NUP155: variants seen among roughly 807,000 people sequenced by gnomAD.
NUP155 encodes nuclear pore complex protein Nup155.
A neutral mutation model predicts 180.4 loss-of-function variants in NUP155; 71 were observed. The ratio of observed to expected loss-of-function variants is 0.39; its 90% CI spans 0.33 to 0.48. The LOEUF is 0.48. NUP155 is among the 20% of genes least tolerant of loss of function. The pLI is 0.91. For synonymous variants in NUP155, 582 were observed against 559.5 expected, an observed-to-expected ratio of 1.04 and a Z score of -0.57; for missense variants, 1,553 against 1,648.9, an observed-to-expected ratio of 0.94 and a Z score of 1.01.
chr5:37,313,499 G>A (rs1020515428), intron 22 of NUP155, among the ~76,000 whole-genome samples: 1 of 150,424 alleles, frequency 6.6e-6, no homozygotes, highest in East Asian at 1.9e-4. Context: ...GTGTGTGTGT[G>A]TGTGTGAGAG....
At chr5:37,331,489 A>G (rs1010198636) in intron 14 of NUP155, among the ~76,000 whole-genome samples, 196 bp downstream of exon 14, 2 of 152,130 alleles carry the variant, frequency 1.3e-5, no homozygotes, top group Admixed American at 6.6e-5. Flanking sequence ...CAGAACAATC[A>G]TTTGAACCTG....
Position 37,351,363 on chromosome 5 carries a change from A to G in NUP155, c.557-7T>C, listed in dbSNP as rs771422168. ...TCATTAAGAACTCCAGAACCTATTT[A>G]AGAAAGAATACATAAATCAGTTTAT... On this transcript the variant is annotated splice_region_variant and splice_polypyrimidine_tract_variant and intron_variant, in intron 5 of 34. Transcript: ENST00000231498. The G allele has an allele frequency of 1.2e-6, 2 of 1,602,256 alleles. No homozygotes were observed. Among genetic ancestry groups the G allele is most frequent in the Admixed American group, 1.7e-5 (1 of 59,812 alleles).
rs1742101766 is a variant in NUP155 at position 37,288,315 on chromosome 5, G to C, written c.*3585C>G. On this transcript the variant is annotated 3_prime_UTR_variant, in exon 35 of 35. Transcript: ENST00000231498. Reference sequence around the variant, plus strand: ...CTCATGAATAGGAGGAAAAATGACAGGAATGGAGACTACCCTGAGGAATAC... The same window carrying C: ...CTCATGAATAGGAGGAAAAATGACACGAATGGAGACTACCCTGAGGAATAC... 2 of 152,150 alleles carry C rather than the reference G, an allele frequency of 1.3e-5. No individual in the cohort carries two copies. The highest frequency in any genetic ancestry group is 1.3e-4 in the Admixed American group (2 of 15,262). 9.4% of individuals were successfully genotyped at this position (152,150 alleles called of 1,614,324 possible). A position where few individuals can be genotyped will look rare whatever the true frequency, so the allele number is the denominator to read the frequency against.
chr5:37,360,785 A>AG (rs1747156541), intron 3 of NUP155, among the ~76,000 whole-genome samples: 5 of 141,312 alleles, frequency 3.5e-5, no homozygotes, highest in South Asian at 2.5e-4. Flanking sequence ...GATAAAAAAA[A>AG]AGGGGGGGGG....
intron 20 of NUP155, among the ~76,000 whole-genome samples, chr5:37,320,726 A>C (rs2150957673): frequency 6.6e-6 from 1 of 152,364 alleles, no homozygotes; most frequent in South Asian, 2.1e-4. Flanking sequence ...GTAATGGTAA[A>C]ATTCAATTAA....
rs754020341 is a variant in NUP155 at position 37,303,455 on chromosome 5, C to A, written c.3163-41G>T. On this transcript the variant is annotated intron_variant, in intron 27 of 34. Transcript: ENST00000231498. ...TTATTCAGAAAAATTTTCTAACCAC[C>A]TACAGATAATGTTCCTGATAAGGAA... 2.6e-6 allele frequency: 4 copies of A among 1,530,614 alleles called. No homozygotes were observed. The South Asian group carries it at 3.4e-5, about 13-fold the overall frequency. 94.8% of individuals were successfully genotyped at this position (1,530,614 alleles called of 1,614,324 possible). A position where few individuals can be genotyped will look rare whatever the true frequency, so the allele number is the denominator to read the frequency against.
intron 20 of NUP155, among the ~76,000 whole-genome samples, chr5:37,319,562 A>G (rs1338269099): frequency 6.6e-6 from 1 of 152,186 alleles, no homozygotes; most frequent in East Asian, 1.9e-4. Context: ...ATATATGAAT[A>G]TGTTAAACAT....
intron 12 of NUP155, among the ~76,000 whole-genome samples, chr5:37,334,587 G>A (rs1745196467): frequency 6.6e-6 from 1 of 152,004 alleles, no homozygotes. Flanking sequence ...TGCCATGTTG[G>A]CCAGGCTGGT....
intron 3 of NUP155, among the ~76,000 whole-genome samples, chr5:37,359,773 T>C (rs1747077510): frequency 6.6e-6 from 1 of 152,102 alleles, no homozygotes; most frequent in Non-Finnish European, 1.5e-5. Flanking sequence ...CAGCTATGAA[T>C]CCAAACTATC....
chr5:37,356,262 T>C (rs1334581241), intron 4 of NUP155, among the ~76,000 whole-genome samples: 1 of 151,470 alleles, frequency 6.6e-6, no homozygotes, highest in Non-Finnish European at 1.5e-5. Context: ...GATTTGGCAT[T>C]ATGAGGGTGA....
chr5:37,291,866 A>C lies in NUP155; in HGVS notation c.*34T>G, dbSNP rs956239428. Reference sequence around the variant, plus strand: ...GGACCCAGCTGAGTTTTTATTTTACAGATCATAAAACGGATGAAAGTATAT... The same window carrying C: ...GGACCCAGCTGAGTTTTTATTTTACCGATCATAAAACGGATGAAAGTATAT... On this transcript the variant is annotated 3_prime_UTR_variant, in exon 35 of 35. Transcript: ENST00000231498. The C allele has an allele frequency of 1.2e-6, 2 of 1,603,950 alleles. No individual in the cohort carries two copies. The highest frequency in any genetic ancestry group is 1.7e-6 in the Non-Finnish European group (2 of 1,171,032).
chr5:37,318,109 G>A (rs376669110), intron 20 of NUP155, 24 bp from the exon 21 acceptor site: 44 of 1,288,852 alleles, frequency 3.4e-5, no homozygotes, highest in African/African-American at 4.4e-5. Flanking sequence ...TGCAGAATGT[G>A]TGTGTTTATA....
chr5:37,348,762 CTTTT>C (rs938388357), intron 8 of NUP155, among the ~76,000 whole-genome samples, 166 bp from the exon 9 acceptor site: 1 of 145,628 alleles, frequency 6.9e-6, no homozygotes, highest in Non-Finnish European at 1.5e-5. Flanking sequence ...GTGAGTTGGG[CTTTT>C]TTTTTTTGAG....
rs532274088 is a variant in NUP155, at chr5:37,322,548, A to T, written c.2207+1444T>A. On this transcript the variant is annotated intron_variant, in intron 20 of 34. Transcript: ENST00000231498. Reference sequence around the variant, plus strand: ...CGGTGAAACCCAGTCTCTACTAAAAATACAAAGAATTAGCTGGGTGTGGTG... The same window carrying T: ...CGGTGAAACCCAGTCTCTACTAAAATTACAAAGAATTAGCTGGGTGTGGTG... 1.1e-4 allele frequency among the ~76,000 whole-genome samples: 16 copies of T among 152,166 alleles called. No individual in the cohort carries two copies. In the East Asian group the frequency reaches 2.9e-3, roughly 28 times the overall value.
At chr5:37,318,134 A>G in intron 20 of NUP155, 49 bp from the exon 21 acceptor site, 2 of 963,430 alleles carry the variant, frequency 2.1e-6, no homozygotes, top group Non-Finnish European at 3.4e-6. Flanking sequence ...CTTTATTGAG[A>G]TATAACACAT....
At chr5:37,340,756 A>G (rs900947475) in intron 11 of NUP155, among the ~76,000 whole-genome samples, 1 of 152,140 alleles carries the variant, frequency 6.6e-6, no homozygotes, top group African/African-American at 2.4e-5. Context: ...CAGATCAAAA[A>G]CCTAAATGTA....
intron 12 of NUP155, among the ~76,000 whole-genome samples, chr5:37,336,193 A>G (rs1449394226): frequency 6.6e-6 from 1 of 152,122 alleles, no homozygotes; most frequent in East Asian, 1.9e-4. Context: ...TCTAAAAAAA[A>G]AGTTAGGTGG....
intron 1 of NUP155, among the ~76,000 whole-genome samples, chr5:37,365,752 T>TATACACACACACACACACAC (rs1403169370): frequency 2.6e-5 from 1 of 37,896 alleles, no homozygotes; most frequent in African/African-American, 1.1e-4. Flanking sequence ...TATATATATA[T>TATACACACACACACACACAC]ACACACACAC....
intron 13 of NUP155, 55 bp from the exon 14 acceptor site, chr5:37,331,850 G>T: frequency 1.0e-6 from 1 of 994,528 alleles, no homozygotes; most frequent in Non-Finnish European, 1.6e-6. Context: ...TTGGCTGATA[G>T]CAACTGACTC....
Sources: gnomAD v4.1 joint callset for allele counts (sites outside exome capture counted in the v4.1 genomes callset) on GRCh38, gnomAD v4.1.1 for gene constraint, MANE v1.5 for transcripts, NCBI Gene and HGNC (gene_info 2026-07-23, HGNC 2026-07-21) for gene names.